TBCD: variants seen among roughly 807,000 people sequenced by gnomAD.
TBCD encodes the protein tubulin-specific chaperone D.
In TBCD, 105 loss-of-function variants were observed where a neutral mutation model predicts 169.3. The observed-to-expected ratio is 0.62, with a 90% CI of 0.53 to 0.73. The LOEUF (loss-of-function observed/expected upper bound fraction) is 0.73, where lower values mean the gene tolerates loss of function less well. TBCD is among the 30% of genes least tolerant of loss of function. The pLI is 0.00. For missense variants in TBCD, 1,444 were observed against 1,600.1 expected (o/e 0.90, Z 1.66); for synonymous variants, 700 against 643.9 (o/e 1.09, Z -1.32).
At position 82,833,363 on chromosome 17, in the gene TBCD, A is replaced by G. The variant is rs991856545; in HGVS notation, c.1318+18429A>G. ...GTGGCAGTTTCTGCCCACTTTAGCCACGTCGTTGGTGTATTCTAGTGTGCT... is the reference window on the plus strand; with the variant it reads ...GTGGCAGTTTCTGCCCACTTTAGCCGCGTCGTTGGTGTATTCTAGTGTGCT... On this transcript the variant is annotated intron_variant, in intron 13 of 38. Transcript: ENST00000355528. This position sits in a 1 kb window ranked among gnomAD's most constrained non-coding sequence, Gnocchi z 4.7. Among the ~76,000 whole-genome samples the G allele has an allele frequency of 3.3e-5, 5 of 152,126 alleles. No individual in the cohort carries two copies. Among genetic ancestry groups the G allele is most frequent in the African/African-American group, 1.2e-4 (5 of 41,424 alleles).
chr17:82,812,670 A>G (rs1035039095), intron 12 of TBCD, among the ~76,000 whole-genome samples: 1 of 152,170 alleles, frequency 6.6e-6, no homozygotes, highest in Admixed American at 6.5e-5. Flanking sequence ...GCAGCCCCCA[A>G]GTAGCTGGGA....
chr17:82,920,553 CA>C lies in TBCD; in HGVS notation c.2039-2del. On this transcript the variant is annotated splice_acceptor_variant, in intron 23 of 38. Transcript: ENST00000355528. LOFTEE classifies it high-confidence loss of function. This position sits in a 1 kb window ranked among gnomAD's most constrained non-coding sequence, Gnocchi z 4.1. ...CGTCTATCCTTTTTTTTTTTTTTTC[CA>C]GTGTGTGTTTTAATAGAAAAGTTGT... 1 of 1,501,622 alleles carries C rather than the reference CA, an allele frequency of 6.7e-7. No individual in the cohort carries two copies. The highest frequency in any genetic ancestry group is 8.9e-7 in the Non-Finnish European group (1 of 1,126,552). 93.0% of individuals were successfully genotyped at this position (1,501,622 alleles called of 1,614,324 possible). A position where few individuals can be genotyped will look rare whatever the true frequency, so the allele number is the denominator to read the frequency against.
chr17:82,928,705 C>G (rs546772538), intron 30 of TBCD, among the ~76,000 whole-genome samples: 73 of 152,070 alleles, frequency 4.8e-4, no homozygotes, highest in African/African-American at 1.6e-3. Flanking sequence ...CTTTCTCTTT[C>G]CCCCTCCCCA....
Position 82,889,789 on chromosome 17 carries a change from A to G in TBCD, c.1563+92A>G. 1 of 1,468,082 alleles carries G rather than the reference A, an allele frequency of 6.8e-7. No homozygotes were observed. The highest frequency in any genetic ancestry group is 9.4e-7 in the Non-Finnish European group (1 of 1,063,258). 90.9% of individuals were successfully genotyped at this position (1,468,082 alleles called of 1,614,324 possible). A position where few individuals can be genotyped will look rare whatever the true frequency, so the allele number is the denominator to read the frequency against. ...AGCTATAACCCTGGTGTCTTCTCGC[A>G]CTGTGAGATGTGGTGTGGCTACATC... On this transcript the variant is annotated intron_variant, in intron 16 of 38. Transcript: ENST00000355528. The surrounding 1 kb of genome is among the most constrained non-coding windows in gnomAD (Gnocchi z 5.3).
intron 23 of TBCD, among the ~76,000 whole-genome samples, chr17:82,912,384 G>T (rs2060709120): frequency 6.6e-6 from 1 of 151,594 alleles, no homozygotes; most frequent in South Asian, 2.2e-4. Flanking sequence ...CATGTGAGGA[G>T]GAGGGAAGCG....
At chr17:82,871,443 A>T (rs974431247) in intron 14 of TBCD, among the ~76,000 whole-genome samples, 1 of 152,224 alleles carries the variant, frequency 6.6e-6, no homozygotes, top group African/African-American at 2.4e-5. Context: ...CGGCTGAATC[A>T]TCACAAGGTT....
intron 34 of TBCD, among the ~76,000 whole-genome samples, chr17:82,933,492 G>A (rs2062380008): frequency 6.6e-6 from 1 of 151,970 alleles, no homozygotes; most frequent in Non-Finnish European, 1.5e-5. Flanking sequence ...GGCCCCAAGT[G>A]CCTGCCTTGG....
chr17:82,904,639 T>C (rs1347432638), intron 19 of TBCD, among the ~76,000 whole-genome samples: 1 of 152,166 alleles, frequency 6.6e-6, no homozygotes, highest in Non-Finnish European at 1.5e-5. Context: ...TCTCAATGTG[T>C]GTACCGTCAC....
intron 4 of TBCD, among the ~76,000 whole-genome samples, chr17:82,767,155 G>T (rs1390369929): frequency 6.6e-6 from 1 of 152,230 alleles, no homozygotes; most frequent in African/African-American, 2.4e-5. Flanking sequence ...CAGGGGCCTT[G>T]CCTCAGACGG....
chr17:82,928,752 C>T (rs930253281), intron 30 of TBCD, among the ~76,000 whole-genome samples: 5 of 152,100 alleles, frequency 3.3e-5, no homozygotes, highest in African/African-American at 4.8e-5. Flanking sequence ...TCCCCATCCC[C>T]GGCCTCTCTG....
chr17:82,921,604 C>T (rs756493955), intron 25 of TBCD, 27 bp downstream of exon 25: 15 of 1,609,762 alleles, frequency 9.3e-6, no homozygotes, highest in African/African-American at 8.0e-5. Context: ...CGTTCCCGGC[C>T]GGCGCTGTGG....
intron 13 of TBCD, among the ~76,000 whole-genome samples, chr17:82,858,310 C>T (rs990608657): frequency 3.3e-4 from 50 of 152,314 alleles, no homozygotes; most frequent in African/African-American, 1.2e-3. Context: ...TTTGGTTATA[C>T]ACCATGTGCA....
intron 13 of TBCD, among the ~76,000 whole-genome samples, chr17:82,842,027 G>A (rs1287617270): frequency 1.3e-5 from 2 of 152,256 alleles, no homozygotes; most frequent in Admixed American, 6.5e-5. Flanking sequence ...TTGTCAGGGT[G>A]TCCCTTCTGT....
chr17:82,805,584 C>T (rs923534481), intron 9 of TBCD, among the ~76,000 whole-genome samples: 15 of 152,142 alleles, frequency 9.9e-5, no homozygotes, highest in South Asian at 2.1e-4. Context: ...CTGGTCCTGT[C>T]GTCTGTGTAC....
At chr17:82,752,420 G>T in intron 1 of TBCD, 43 bp downstream of exon 1, 2 of 1,193,676 alleles carry the variant, frequency 1.7e-6, no homozygotes, top group South Asian at 4.1e-5. Context: ...CCCCGGCCCG[G>T]GTTCGGCGCG....
intron 6 of TBCD, among the ~76,000 whole-genome samples, chr17:82,776,601 C>T (rs751053491): frequency 2.0e-5 from 3 of 152,168 alleles, no homozygotes; most frequent in Non-Finnish European, 2.9e-5. Context: ...TGAATGGCTC[C>T]GTCGTGTTCT....
intron 15 of TBCD, among the ~76,000 whole-genome samples, chr17:82,886,815 G>A (rs898913626): frequency 2.0e-5 from 3 of 149,848 alleles, no homozygotes; most frequent in South Asian, 2.2e-4. Flanking sequence ...GATTACAGGC[G>A]TGCACCACCA....
chr17:82,868,731 C>T (rs939191077), intron 13 of TBCD, among the ~76,000 whole-genome samples: 8 of 152,152 alleles, frequency 5.3e-5, no homozygotes, highest in African/African-American at 1.9e-4. Context: ...GGTGTTTTGC[C>T]TAAGACCATT....
intron 13 of TBCD, chr17:82,865,524 G>T (rs1013330685): frequency 1.0e-6 from 1 of 985,358 alleles, no homozygotes; most frequent in Non-Finnish European, 1.2e-6. Flanking sequence ...GGTGTGGCGG[G>T]CTGTCTGTGC....
Sources: gnomAD v4.1 joint callset for allele counts (sites outside exome capture counted in the v4.1 genomes callset) on GRCh38, gnomAD v4.1.1 for gene constraint, Gnocchi (gnomAD v3.1) non-coding constraint, MANE v1.5 for transcripts, NCBI Gene and HGNC (gene_info 2026-07-23, HGNC 2026-07-21) for gene names.